The following IZUMO2 variants were observed in gnomAD, a reference collection of about 807,000 sequenced individuals.
IZUMO2 encodes izumo sperm-egg fusion protein 2.
IZUMO2 carries 24 observed loss-of-function variants against 31.2 expected under a neutral mutation model. The observed-to-expected ratio is 0.77, with a 90% CI of 0.56 to 1.08. The LOEUF (loss-of-function observed/expected upper bound fraction) is 1.08. Among genes scored for constraint, IZUMO2 ranks in the 50% least tolerant of loss-of-function variants. The pLI, the probability that IZUMO2 is intolerant of heterozygous loss-of-function variation, is 0.00. For missense variants in IZUMO2, 278 were observed against 274.0 expected (o/e 1.01, Z -0.10); for synonymous variants, 144 against 117.3 (o/e 1.23, Z -1.47).
intron 1 of IZUMO2, 46 bp from the exon 2 acceptor site, chr19:50,162,859 C>T: frequency 6.2e-7 from 1 of 1,603,848 alleles, no homozygotes; most frequent in Admixed American, 1.7e-5. Context: ...CCCCAGAGAG[C>T]CAAGTGACCT....
intron 2 of IZUMO2, 97 bp from the exon 3 acceptor site, chr19:50,159,677 T>C (rs976954802): frequency 6.7e-6 from 5 of 748,682 alleles, no homozygotes; most frequent in Middle Eastern, 3.7e-4. Context: ...AAGCTCCTCT[T>C]CATTTATAAA....
At chr19:50,158,176 G>T in intron 5 of IZUMO2, 92 bp downstream of exon 5, 2 of 721,122 alleles carry the variant, frequency 2.8e-6, no homozygotes. Context: ...GAGGCTGCAT[G>T]TGGGAGCCTC....
At chr19:50,157,168 G>A (rs765191964) in intron 5 of IZUMO2, among the ~76,000 whole-genome samples, 2 of 152,144 alleles carry the variant, frequency 1.3e-5, no homozygotes, top group African/African-American at 4.8e-5. Context: ...AGAGAGGCCT[G>A]TCTGAGGAAG....
At chr19:50,162,589 G>A (rs932029449) in intron 2 of IZUMO2, 150 bp downstream of exon 2, 4 of 652,368 alleles carry the variant, frequency 6.1e-6, no homozygotes, top group African/African-American at 1.8e-5. Flanking sequence ...CACTCCAGCC[G>A]GAGCGACAGT....
intron 5 of IZUMO2, among the ~76,000 whole-genome samples, chr19:50,156,617 A>C (rs1184324555): frequency 2.0e-5 from 3 of 151,788 alleles, no homozygotes; most frequent in Non-Finnish European, 2.9e-5. Flanking sequence ...AAAAAAACCC[A>C]AAAACTGATA....
rs1451184768 is a variant in IZUMO2 at position 50,152,615 on chromosome 19, C to T, written c.660G>A (p.Leu220=). The T allele has an allele frequency of 1.9e-6, 3 of 1,613,224 alleles. No individual in the cohort carries two copies. Among genetic ancestry groups the T allele is most frequent in the Admixed American group, 1.7e-5 (1 of 59,992 alleles). Reference sequence around the variant, plus strand: ...TTACCCCCAAACCACCGTCCTACTGCAGCAGGAGTTTTCGGTTTTGTCTGT... The same window carrying T: ...TTACCCCCAAACCACCGTCCTACTGTAGCAGGAGTTTTCGGTTTTGTCTGT... ...CTYRQNRKLL[L]Q Residue 220 remains leucine, a synonymous_variant, in exon 7 of 7, where the codon CTG becomes CTA. Transcript: ENST00000293405.
chr19:50,162,537 C>T (rs1046757111), intron 2 of IZUMO2, among the ~76,000 whole-genome samples: 1 of 152,056 alleles, frequency 6.6e-6, no homozygotes, highest in Admixed American at 6.6e-5. Context: ...ATCGCTGGAG[C>T]CCTGGAGGTC....
chr19:50,154,472 G>C, intron 6 of IZUMO2, 128 bp downstream of exon 6: 1 of 819,864 alleles, frequency 1.2e-6, no homozygotes, highest in East Asian at 2.7e-5. Context: ...GAGAAAAAGA[G>C]AGACAGAGAC....
Position 50,163,155 on chromosome 19 carries a change from C to G in IZUMO2, c.40G>C (p.Gly14Arg). Residue 14 changes from glycine to arginine, a missense_variant, in exon 1 of 7, where the codon GGC becomes CGC. By Grantham distance (125) the Gly-to-Arg change is moderately radical (BLOSUM62 -2). Coordinates refer to ENST00000293405, the MANE Select transcript of IZUMO2 (RefSeq NM_152358.3). ...ALTLLLLSGLGAPGGWGCLQC... is the reference protein window; with the variant it reads ...ALTLLLLSGLRAPGGWGCLQC... The stretch of plus-strand genomic sequence containing the variant: ...AGGCAGCCCCAGCCTCCGGGGGCGC[C>G]CAAGCCCGAGAGCAGCAGAAGGGTC... The G allele has an allele frequency of 6.4e-7, 1 of 1,569,498 alleles. No homozygotes were observed. Among genetic ancestry groups the G allele is most frequent in the East Asian group, 2.4e-5 (1 of 42,114 alleles).
chr19:50,156,816 A>G (rs1048897914), intron 5 of IZUMO2, among the ~76,000 whole-genome samples: 7 of 152,204 alleles, frequency 4.6e-5, no homozygotes, highest in Non-Finnish European at 1.0e-4. Context: ...AAAAGAAGAG[A>G]AAAACCTAAC....
At chr19:50,162,197 C>A (rs2030422600) in intron 2 of IZUMO2, among the ~76,000 whole-genome samples, 1 of 152,046 alleles carries the variant, frequency 6.6e-6, no homozygotes, top group Non-Finnish European at 1.5e-5. Context: ...GCAGGAAAAT[C>A]GCTTGAACCC....
chr19:50,159,178 T>A, intron 4 of IZUMO2, 52 bp downstream of exon 4: 1 of 1,581,858 alleles, frequency 6.3e-7, no homozygotes, highest in Non-Finnish European at 8.6e-7. Flanking sequence ...GGAGACAGGG[T>A]GAAGGGGGTT....
At chr19:50,154,550 G>C (rs558524733) in intron 6 of IZUMO2, 50 bp downstream of exon 6, 1 of 1,604,924 alleles carries the variant, frequency 6.2e-7, no homozygotes, top group East Asian at 2.2e-5. Flanking sequence ...CATTTTTGAG[G>C]GGCCCAGTGG....
chr19:50,158,463 T>C (rs957742668), intron 4 of IZUMO2, 115 bp from the exon 5 acceptor site: 18 of 598,344 alleles, frequency 3.0e-5, no homozygotes, highest in African/African-American at 7.6e-5. Flanking sequence ...CTAAATTTCA[T>C]AGGTCCCACT....
Position 50,163,232 on chromosome 19 carries a change from C to T in IZUMO2, c.-38G>A. ...GTGACGTCACAGAGAGAACCCGGCC[C>T]GCCCCGCCTCCCAGGCGAGGGCGCG... On this transcript the variant is annotated 5_prime_UTR_variant, in exon 1 of 7. Coordinates refer to ENST00000293405, the MANE Select transcript of IZUMO2 (RefSeq NM_152358.3). 4 of 1,494,550 alleles carry T rather than the reference C, an allele frequency of 2.7e-6. No individual in the cohort carries two copies. The highest frequency in any genetic ancestry group is 3.6e-6 in the Non-Finnish European group (4 of 1,103,834). 92.6% of individuals were successfully genotyped at this position (1,494,550 alleles called of 1,614,324 possible). A position where few individuals can be genotyped will look rare whatever the true frequency, so the allele number is the denominator to read the frequency against.
At chr19:50,154,955 G>T (rs574500189) in intron 5 of IZUMO2, among the ~76,000 whole-genome samples, 18 of 152,136 alleles carry the variant, frequency 1.2e-4, no homozygotes, top group Non-Finnish European at 2.4e-4. Flanking sequence ...ATATAGCCGG[G>T]AACCAAACTG....
chr19:50,154,263 C>G (rs1380342614), intron 6 of IZUMO2, among the ~76,000 whole-genome samples: 1 of 40,636 alleles, frequency 2.5e-5, no homozygotes, highest in Non-Finnish European at 4.1e-5. Context: ...TAACTTTTAG[C>G]GTTTTTTTTT....
At chr19:50,156,287 A>G (rs531532300) in intron 5 of IZUMO2, among the ~76,000 whole-genome samples, 6 of 152,226 alleles carry the variant, frequency 3.9e-5, no homozygotes, top group Non-Finnish European at 7.4e-5. Context: ...TGGTGGATCG[A>G]AGCTAGGGAT....
At chr19:50,159,469 G>C (rs3745499) in intron 3 of IZUMO2, 25 bp downstream of exon 3, 390,592 of 1,500,582 alleles carry the variant, frequency 0.26, 53,839 homozygotes, top group Non-Finnish European at 0.29. Context: ...AGAGGAGAGG[G>C]GATTGGTGGA....
Sources: gnomAD v4.1 joint callset for allele counts (sites outside exome capture counted in the v4.1 genomes callset) on GRCh38, gnomAD v4.1.1 for gene constraint, MANE v1.5 for transcripts, NCBI Gene and HGNC (gene_info 2026-07-23, HGNC 2026-07-21) for gene names.